Variants in CEP85L observed in about 807,000 individuals in gnomAD.
CEP85L encodes centrosomal protein of 85 kDa-like.
In CEP85L, 60 loss-of-function variants were observed where a neutral mutation model predicts 100.3. The ratio of observed to expected loss-of-function variants is 0.60; its 90% confidence interval spans 0.49 to 0.74. CEP85L has a LOEUF of 0.74. Ranked by LOEUF, CEP85L falls within the 30% of genes least tolerant of loss-of-function variation. The pLI is 0.00. For synonymous variants in CEP85L, 319 were observed against 322.7 expected (o/e 0.99, Z 0.12); for missense variants, 973 against 936.2 (o/e 1.04, Z -0.51).
chr6:118,581,132 C>T (rs778612630), intron 2 of CEP85L, among the ~76,000 whole-genome samples: 20 of 152,148 alleles, frequency 1.3e-4, no homozygotes, highest in Non-Finnish European at 1.5e-4. Flanking sequence ...GAAAATTCTG[C>T]TTTCAACAGT....
At chr6:118,562,603 ACCC>A (rs920617696) in intron 3 of CEP85L, among the ~76,000 whole-genome samples, 1 of 151,502 alleles carries the variant, frequency 6.6e-6, no homozygotes, top group Non-Finnish European at 1.5e-5. Flanking sequence ...CAAGCTATCC[ACCC>A]CCCATCAGCC....
At chr6:118,496,814 C>T (rs987040025) in intron 5 of CEP85L, among the ~76,000 whole-genome samples, 1 of 152,206 alleles carries the variant, frequency 6.6e-6, no homozygotes. Context: ...ATTCAACCTG[C>T]TCAATGAAGT....
intron 12 of CEP85L, among the ~76,000 whole-genome samples, chr6:118,468,162 A>G (rs1772672467): frequency 6.6e-6 from 1 of 152,212 alleles, no homozygotes. Flanking sequence ...GAGCACAGAT[A>G]ATGTTTCATT....
In CEP85L at chr6:118,476,645, T is replaced by C. The variant is rs189670899; in HGVS notation, c.1914+3226A>G. Among the ~76,000 whole-genome samples the C allele has an allele frequency of 2.0e-3, 298 of 152,300 alleles. 6 individuals are homozygous for C. The highest frequency in any genetic ancestry group is 4.9e-4 in the Non-Finnish European group (33 of 68,008). ...AAGGATTTATGAGATTTGCTAAAAA[T>C]TGGAATAGAATTTTCTTAGGCTGTG... On this transcript the variant is annotated intron_variant, in intron 10 of 12. Coordinates refer to ENST00000368491, the MANE Select transcript of CEP85L (RefSeq NM_001042475.3).
At chr6:118,600,514 G>A (rs889056086) in intron 2 of CEP85L, among the ~76,000 whole-genome samples, 1 of 151,642 alleles carries the variant, frequency 6.6e-6, no homozygotes, top group African/African-American at 2.4e-5. Context: ...TAGAGACGGG[G>A]TTTCACCATA....
chr6:118,579,819 G>C (rs1780463226), intron 2 of CEP85L, among the ~76,000 whole-genome samples: 1 of 152,174 alleles, frequency 6.6e-6, no homozygotes, highest in South Asian at 2.1e-4. Flanking sequence ...TTGCATAGCA[G>C]AAAAATGGCC....
intron 1 of CEP85L, among the ~76,000 whole-genome samples, chr6:118,634,542 A>G (rs370928008): frequency 2.6e-5 from 4 of 152,200 alleles, no homozygotes; most frequent in African/African-American, 9.6e-5. Flanking sequence ...CAGTGGCCAA[A>G]GAGACACTTT....
chr6:118,565,608 G>GT lies in CEP85L; in HGVS notation c.940dup (p.Thr314AsnfsTer16). On this transcript the variant is annotated frameshift_variant, in exon 3 of 13. Transcript: ENST00000368491. LOFTEE classifies it high-confidence loss of function. ...AGGAGCTAAACTGTAAGAATCCTCT[G>GT]TATTTCTACCTTCCAAAGGATTTGT... The GT allele has an allele frequency of 1.2e-6, 2 of 1,614,188 alleles. No individual in the cohort carries two copies. The highest frequency in any genetic ancestry group is 1.7e-6 in the Non-Finnish European group (2 of 1,180,030).
At chr6:118,667,555 A>G (rs1039193418) in intron 1 of CEP85L, among the ~76,000 whole-genome samples, 1 of 152,200 alleles carries the variant, frequency 6.6e-6, no homozygotes, top group Non-Finnish European at 1.5e-5. Flanking sequence ...TGAAAACTGC[A>G]TTTTTTGGAT....
At chr6:118,621,078 C>T (rs544378818) in intron 2 of CEP85L, among the ~76,000 whole-genome samples, 4 of 152,258 alleles carry the variant, frequency 2.6e-5, no homozygotes, top group African/African-American at 4.8e-5. Context: ...AAGACCCCAC[C>T]ACTTTTCCTT....
intron 3 of CEP85L, among the ~76,000 whole-genome samples, chr6:118,544,690 A>G (rs1270110418): frequency 6.6e-6 from 1 of 152,176 alleles, no homozygotes; most frequent in African/African-American, 2.4e-5. Context: ...GATATTTATG[A>G]AAAAATAAAA....
chr6:118,650,872 AC>A (rs1303394257), intron 1 of CEP85L, among the ~76,000 whole-genome samples: 1 of 152,040 alleles, frequency 6.6e-6, no homozygotes, highest in Non-Finnish European at 1.5e-5. Context: ...CAGGTCACAC[AC>A]CCCACGAGTA....
rs765228944 is a variant in CEP85L at position 118,651,341 on chromosome 6, G to T, written c.-72C>A. On this transcript the variant is annotated 5_prime_UTR_variant, in exon 1 of 13. Transcript: ENST00000368491. ...TCCGTCCTCCTGCTTCTTCGGCGGC[G>T]GAAACTTGCGCGGAGCGTGGGCCTC... 17 of 1,386,974 alleles carry T rather than the reference G, an allele frequency of 1.2e-5. No homozygotes were observed. The highest frequency in any genetic ancestry group is 9.9e-5 in the Admixed American group (3 of 30,160). The allele number at this position is 1,386,974 out of a possible 1,614,324, so 85.9% of individuals were successfully genotyped here. A position where few individuals can be genotyped will look rare whatever the true frequency, so the allele number is the denominator to read the frequency against.
chr6:118,682,853 T>C (rs894342611), intron 1 of CEP85L, among the ~76,000 whole-genome samples: 3 of 151,752 alleles, frequency 2.0e-5, no homozygotes, highest in African/African-American at 7.3e-5. Flanking sequence ...AGTAATAAAA[T>C]GTTATTTTTA....
chr6:118,576,616 G>T (rs1780249456), intron 2 of CEP85L, among the ~76,000 whole-genome samples: 1 of 152,142 alleles, frequency 6.6e-6, no homozygotes, highest in African/African-American at 2.4e-5. Flanking sequence ...CCCCTCTGTG[G>T]AAAGAGTTAA....
intron 2 of CEP85L, among the ~76,000 whole-genome samples, chr6:118,600,955 C>T (rs750794938): frequency 2.5e-4 from 38 of 152,000 alleles, no homozygotes; most frequent in Non-Finnish European, 4.1e-4. Flanking sequence ...CTGGATATAC[C>T]GTGGAATAAC....
chr6:118,524,868 G>C (rs1003587539), intron 3 of CEP85L, among the ~76,000 whole-genome samples: 29 of 152,186 alleles, frequency 1.9e-4, no homozygotes, highest in African/African-American at 7.0e-4. Context: ...CATGCGTTCT[G>C]GGGGAAATGG....
chr6:118,492,169 C>G (rs985662504), intron 5 of CEP85L, among the ~76,000 whole-genome samples: 3 of 152,034 alleles, frequency 2.0e-5, no homozygotes, highest in African/African-American at 7.2e-5. Flanking sequence ...TCATGAAAGA[C>G]AGCTATTATT....
intron 4 of CEP85L, among the ~76,000 whole-genome samples, chr6:118,521,438 T>A (rs1412932139): frequency 2.6e-5 from 4 of 152,212 alleles, no homozygotes; most frequent in African/African-American, 9.7e-5. Flanking sequence ...TCAAAAACTT[T>A]ATAATAAACT....
Sources: gnomAD v4.1 joint callset for allele counts (sites outside exome capture counted in the v4.1 genomes callset) on GRCh38, gnomAD v4.1.1 for gene constraint, MANE v1.5 for transcripts, NCBI Gene and HGNC (gene_info 2026-07-23, HGNC 2026-07-21) for gene names.